SOAT1: variants seen among roughly 807,000 people sequenced by gnomAD.
The protein encoded by SOAT1 is acyl-coenzyme A:cholesterol acyltransferase 1.
In SOAT1, 55 loss-of-function variants were observed where a neutral mutation model predicts 69.5. That is an observed-to-expected ratio of 0.79 (90% CI 0.64 to 0.99). The LOEUF (loss-of-function observed/expected upper bound fraction) is 0.99. Among genes scored for constraint, SOAT1 ranks in the 50% least tolerant of loss-of-function variants. SOAT1 has a pLI of 0.00. For synonymous variants in SOAT1, 231 were observed against 224.7 expected (o/e 1.03, Z -0.25); for missense variants, 580 against 669.3 (o/e 0.87, Z 1.47).
chr1:179,337,959 T>C (rs1400525779), intron 5 of SOAT1, 63 bp downstream of exon 5: 2 of 1,178,116 alleles, frequency 1.7e-6, no homozygotes, highest in Non-Finnish European at 2.4e-6. Context: ...GATAGAATCA[T>C]TGCTTAGTAT....
chr1:179,327,524 C>G (rs772322314), intron 3 of SOAT1, among the ~76,000 whole-genome samples: 55 of 152,202 alleles, frequency 3.6e-4, no homozygotes, highest in Admixed American at 1.8e-3. Flanking sequence ...CTCCACAGAG[C>G]TAGAGTTGTC....
At chr1:179,307,756 T>C (rs1313391769) in intron 2 of SOAT1, among the ~76,000 whole-genome samples, 1 of 152,202 alleles carries the variant, frequency 6.6e-6, no homozygotes, top group African/African-American at 2.4e-5. Flanking sequence ...GAAAGCACTT[T>C]CTGCGTATGT....
At chr1:179,349,238 T>A (rs147587254) in intron 13 of SOAT1, among the ~76,000 whole-genome samples, 6 of 152,224 alleles carry the variant, frequency 3.9e-5, no homozygotes, top group Non-Finnish European at 8.8e-5. Context: ...GATCCACCAA[T>A]AATGGATAGT....
At chr1:179,347,773 C>G (rs1409024039) in intron 12 of SOAT1, 76 bp downstream of exon 12, 1 of 818,202 alleles carries the variant, frequency 1.2e-6, no homozygotes, top group Non-Finnish European at 2.0e-6. Flanking sequence ...ACATTGTTGG[C>G]TAATGTCACC....
chr1:179,340,935 G>T, intron 6 of SOAT1, 93 bp from the exon 7 acceptor site: 1 of 1,153,888 alleles, frequency 8.7e-7, no homozygotes, highest in Non-Finnish European at 1.2e-6. Context: ...TCCTAAGGTT[G>T]AAAGTTTGGT....
Position 179,354,857 on chromosome 1 carries a change from G to T in SOAT1, c.*1216G>T, listed in dbSNP as rs1666856861. ...TTGTAAAGATTGAGCATTGGAAGGGGTATCAGAGACCATGTAGTTCAACTT... is the reference window on the plus strand; with the variant it reads ...TTGTAAAGATTGAGCATTGGAAGGGTTATCAGAGACCATGTAGTTCAACTT... On this transcript the variant is annotated 3_prime_UTR_variant, in exon 16 of 16. Coordinates refer to ENST00000367619, the MANE Select transcript of SOAT1 (RefSeq NM_003101.6). 6.6e-6 allele frequency: 1 copy of T among 151,968 alleles called. No individual in the cohort carries two copies. The highest frequency in any genetic ancestry group is 2.4e-5 in the African/African-American group (1 of 41,420). The allele number at this position is 151,968 out of a possible 1,614,324, so 9.4% of individuals were successfully genotyped here. A position where few individuals can be genotyped will look rare whatever the true frequency, so the allele number is the denominator to read the frequency against.
At chr1:179,317,162 AC>A (rs1347404715) in intron 2 of SOAT1, among the ~76,000 whole-genome samples, 2 of 152,308 alleles carry the variant, frequency 1.3e-5, no homozygotes, top group African/African-American at 4.8e-5. Flanking sequence ...CTGGGAAATT[AC>A]TTTTATAAAT....
chr1:179,344,885 A>G, intron 10 of SOAT1, 62 bp from the exon 11 acceptor site: 1 of 1,563,764 alleles, frequency 6.4e-7, no homozygotes, highest in South Asian at 1.1e-5. Flanking sequence ...TTGGAGAGAA[A>G]AAAATCGCCT....
intron 2 of SOAT1, among the ~76,000 whole-genome samples, chr1:179,307,234 T>C (rs1184382082): frequency 6.6e-6 from 1 of 152,190 alleles, no homozygotes; most frequent in East Asian, 1.9e-4. Flanking sequence ...ATTTCAAACA[T>C]AGATACAGTT....
chr1:179,297,654 A>G (rs565927539), intron 1 of SOAT1, among the ~76,000 whole-genome samples: 1 of 151,168 alleles, frequency 6.6e-6, no homozygotes, highest in Non-Finnish European at 1.5e-5. Context: ...TGGAAGGCCA[A>G]AGTAATGAGT....
At chr1:179,332,663 A>G (rs2124978763) in intron 3 of SOAT1, among the ~76,000 whole-genome samples, 1 of 152,306 alleles carries the variant, frequency 6.6e-6, no homozygotes, top group East Asian at 1.9e-4. Context: ...TTGAAAAGAT[A>G]AGCAAATTAG....
chr1:179,301,776 A>C (rs909109251), intron 1 of SOAT1, among the ~76,000 whole-genome samples: 4 of 152,194 alleles, frequency 2.6e-5, no homozygotes, highest in Non-Finnish European at 5.9e-5. Context: ...TTTTTGTCGT[A>C]GTTCAATTCC....
chr1:179,351,021 CTTTTTTTTTTT>C (rs201449849), intron 14 of SOAT1, among the ~76,000 whole-genome samples: 15,621 of 126,972 alleles, frequency 0.12, 1,696 homozygotes, highest in Non-Finnish European at 0.15. Flanking sequence ...ATATTTCTTT[CTTTTTTTTTTT>C]TTTTTTTTTT....
chr1:179,319,762 G>A (rs1484852229), intron 2 of SOAT1, among the ~76,000 whole-genome samples: 1 of 152,038 alleles, frequency 6.6e-6, no homozygotes, highest in African/African-American at 2.4e-5. Context: ...GACTACAAGT[G>A]CGCATCCCAC....
At chr1:179,296,205 A>G (rs947618064) in intron 1 of SOAT1, among the ~76,000 whole-genome samples, 47 of 151,400 alleles carry the variant, frequency 3.1e-4, no homozygotes, top group Non-Finnish European at 6.0e-4. Flanking sequence ...CTGATCTCAG[A>G]TGATCGGTCT....
intron 2 of SOAT1, among the ~76,000 whole-genome samples, chr1:179,303,240 G>T (rs904597158): frequency 6.6e-6 from 1 of 152,158 alleles, no homozygotes; most frequent in African/African-American, 2.4e-5. Context: ...AATTAGCAGG[G>T]TGCCTAACCC....
intron 3 of SOAT1, among the ~76,000 whole-genome samples, chr1:179,325,600 A>G (rs1217893341): frequency 5.3e-5 from 8 of 152,146 alleles, no homozygotes; most frequent in Admixed American, 5.2e-4. Flanking sequence ...AGAACACAAA[A>G]ACATATTATG....
chr1:179,349,931 A>C (rs909609536), intron 13 of SOAT1, among the ~76,000 whole-genome samples: 2 of 152,198 alleles, frequency 1.3e-5, no homozygotes, highest in Non-Finnish European at 2.9e-5. Context: ...CTGAAATCTT[A>C]GTTTTGTTAT....
intron 2 of SOAT1, among the ~76,000 whole-genome samples, chr1:179,318,681 A>G (rs1442739474): frequency 6.6e-6 from 1 of 152,142 alleles, no homozygotes; most frequent in Non-Finnish European, 1.5e-5. Flanking sequence ...GTAGTTGTCT[A>G]TTCTGGACAT....
Sources: allele counts gnomAD v4.1 joint callset (sites outside exome capture counted in the v4.1 genomes callset), GRCh38; gene constraint gnomAD v4.1.1; transcripts MANE v1.5; gene names NCBI Gene and HGNC (gene_info 2026-07-23, HGNC 2026-07-21).